Variants in SV2C observed in about 807,000 individuals in gnomAD.
SV2C encodes synaptic vesicle glycoprotein 2C, also known as solute carrier family 22 member B3.
A neutral mutation model predicts 79.7 loss-of-function variants in SV2C; 49 were observed. The ratio of observed to expected loss-of-function variants is 0.61; its 90% CI spans 0.49 to 0.78. SV2C has a LOEUF of 0.78. SV2C is among the 30% of genes least tolerant of loss of function. SV2C has a pLI of 0.00. For missense variants in SV2C, 833 were observed against 912.9 expected (o/e 0.91, Z 1.13); for synonymous variants, 334 against 333.2 (o/e 1.00, Z -0.03).
intron 2 of SV2C, among the ~76,000 whole-genome samples, chr5:76,172,245 G>C (rs1580326930): frequency 9.2e-6 from 1 of 108,132 alleles, no homozygotes; most frequent in Admixed American, 9.4e-5. Flanking sequence ...GAGGTGGGGG[G>C]GTCGGCCCCC....
the SV2C span, among the ~76,000 whole-genome samples, chr5:76,062,728 C>T: frequency 6.6e-6 from 1 of 151,974 alleles, no homozygotes; most frequent in African/African-American, 2.4e-5. Flanking sequence ...ATAAGAAAGG[C>T]TCTTTATTGT....
chr5:76,224,664 C>T (rs1269732714), intron 4 of SV2C, among the ~76,000 whole-genome samples: 1 of 152,078 alleles, frequency 6.6e-6, no homozygotes, highest in Non-Finnish European at 1.5e-5. Flanking sequence ...AGAATGCTTC[C>T]CTCATATCTT....
In SV2C at chr5:76,122,675, C is replaced by T. The variant is rs938780158; in HGVS notation, c.-101-8975C>T. 4.6e-5 allele frequency among the ~76,000 whole-genome samples: 7 copies of T among 151,560 alleles called. No homozygotes were observed. The East Asian group carries it at 7.7e-4, about 17-fold the overall frequency. On this transcript the variant is annotated intron_variant, in intron 1 of 12. Coordinates refer to ENST00000502798, the MANE Select transcript of SV2C (RefSeq NM_014979.4). ...AAATAAAGATGTTCTTTGAAACCAA[C>T]GAGAACAAAGACACAACATACCAGA...
the SV2C span, among the ~76,000 whole-genome samples, chr5:76,071,821 G>A: frequency 6.6e-6 from 1 of 152,210 alleles, no homozygotes; most frequent in Non-Finnish European, 1.5e-5. Flanking sequence ...TTCTGAACAT[G>A]AAGATGATAA....
At chr5:75,971,487 C>T in the SV2C span, among the ~76,000 whole-genome samples, 3 of 152,058 alleles carry the variant, frequency 2.0e-5, no homozygotes, top group African/African-American at 7.3e-5. Flanking sequence ...TCTCAGGATA[C>T]AAAATCAATG....
intron 2 of SV2C, among the ~76,000 whole-genome samples, chr5:76,179,728 T>C (rs1242270547): frequency 6.6e-6 from 1 of 152,202 alleles, no homozygotes; most frequent in Non-Finnish European, 1.5e-5. Context: ...CAGCAATGGA[T>C]TAGGGGCAAC....
intron 4 of SV2C, among the ~76,000 whole-genome samples, chr5:76,238,293 G>GGT (rs1366544335): frequency 1.3e-5 from 2 of 150,140 alleles, no homozygotes; most frequent in East Asian, 1.9e-4. Context: ...TCTAAGGAGG[G>GGT]GTGTGTGTGT....
chr5:76,061,286 AAAAAAAAGC>A, the SV2C span, among the ~76,000 whole-genome samples: 22 of 150,904 alleles, frequency 1.5e-4, no homozygotes, highest in African/African-American at 4.9e-4. Flanking sequence ...AAAAAAAAAA[AAAAAAAAGC>A]AATATCTGAA....
the SV2C span, among the ~76,000 whole-genome samples, chr5:75,944,792 T>G: frequency 1.3e-5 from 2 of 152,244 alleles, no homozygotes; most frequent in Non-Finnish European, 2.9e-5. Flanking sequence ...TACCCATTTC[T>G]TTTACAGTTT....
intron 1 of SV2C, among the ~76,000 whole-genome samples, chr5:76,096,778 C>T (rs1264965206): frequency 1.3e-5 from 2 of 152,078 alleles, no homozygotes; most frequent in Non-Finnish European, 2.9e-5. Flanking sequence ...CTAGGCCTCA[C>T]CCAATCTGTT....
the SV2C span, among the ~76,000 whole-genome samples, chr5:76,045,142 T>G: frequency 2.0e-5 from 3 of 152,210 alleles, no homozygotes; most frequent in African/African-American, 7.2e-5. Context: ...GCTAACCAGT[T>G]TTCCCAGCAC....
intron 12 of SV2C, 68 bp from the exon 13 acceptor site, chr5:76,325,296 T>G: frequency 1.3e-6 from 2 of 1,502,110 alleles, no homozygotes; most frequent in South Asian, 1.2e-5. Context: ...ATCTAGGATC[T>G]TTTGGTCTAA....
the SV2C span, among the ~76,000 whole-genome samples, chr5:76,053,124 A>C: frequency 6.6e-6 from 1 of 151,642 alleles, no homozygotes; most frequent in Non-Finnish European, 1.5e-5. Context: ...AAAAAAAAAA[A>C]AGAGTAGAAT....
intron 4 of SV2C, among the ~76,000 whole-genome samples, chr5:76,276,211 A>G (rs1224668933): frequency 6.6e-6 from 1 of 152,210 alleles, no homozygotes; most frequent in Non-Finnish European, 1.5e-5. Flanking sequence ...GATGGTTGTC[A>G]GTGTTTTACA....
the SV2C span, among the ~76,000 whole-genome samples, chr5:76,038,569 C>A: frequency 6.6e-6 from 1 of 152,178 alleles, no homozygotes; most frequent in Non-Finnish European, 1.5e-5. Flanking sequence ...GCAGATAAAG[C>A]TTCAGGCACA....
At chr5:76,199,766 A>G (rs955090630) in intron 3 of SV2C, among the ~76,000 whole-genome samples, 1 of 152,206 alleles carries the variant, frequency 6.6e-6, no homozygotes, top group Non-Finnish European at 1.5e-5. Context: ...CTCAATTCTT[A>G]CTTGATCTGT....
chr5:75,878,851 A>AT, the SV2C span, among the ~76,000 whole-genome samples: 72 of 147,648 alleles, frequency 4.9e-4, no homozygotes, highest in Non-Finnish European at 8.0e-4. Context: ...GATAATTTAT[A>AT]TTAAAAAAAA....
chr5:76,192,656 G>T (rs1744139806), intron 2 of SV2C, among the ~76,000 whole-genome samples: 1 of 152,168 alleles, frequency 6.6e-6, no homozygotes. Flanking sequence ...TAAAGGTTTG[G>T]CTTTAATTAG....
chr5:75,892,408 C>A, the SV2C span, among the ~76,000 whole-genome samples: 1 of 151,864 alleles, frequency 6.6e-6, no homozygotes, highest in African/African-American at 2.4e-5. Context: ...TATGAAATAT[C>A]AAACTTACCC....
Sources: gnomAD v4.1 joint callset for allele counts (sites outside exome capture counted in the v4.1 genomes callset) on GRCh38, gnomAD v4.1.1 for gene constraint, MANE v1.5 for transcripts, NCBI Gene and HGNC (gene_info 2026-07-23, HGNC 2026-07-21) for gene names.